Variants in LUZP2 observed in about 807,000 individuals in gnomAD.
LUZP2 encodes the protein leucine zipper protein 2.
A neutral mutation model predicts 51.6 loss-of-function variants in LUZP2; 52 were observed. The ratio of observed to expected loss-of-function variants is 1.01; its 90% confidence interval spans 0.81 to 1.27. LUZP2 has a LOEUF of 1.27. Ranked by LOEUF, LUZP2 falls within the 50% of genes most tolerant of loss-of-function variation. The probability of loss-of-function intolerance (pLI) is 0.00; values close to 1 mark genes in which losing one functional copy is unlikely to be tolerated. For synonymous variants in LUZP2, 154 were observed against 137.3 expected (o/e 1.12, Z -0.85); for missense variants, 436 against 395.4 (o/e 1.10, Z -0.87).
At chr11:24,731,946 G>A (rs1590413812) in intron 2 of LUZP2, among the ~76,000 whole-genome samples, 172 bp from the exon 3 acceptor site, 1 of 151,694 alleles carries the variant, frequency 6.6e-6, no homozygotes, top group East Asian at 1.9e-4. Flanking sequence ...GTGTAGTTGG[G>A]TGTCATAAAT....
intron 5 of LUZP2, among the ~76,000 whole-genome samples, chr11:24,897,373 T>A (rs2133771044): frequency 6.6e-6 from 1 of 152,336 alleles, no homozygotes; most frequent in East Asian, 1.9e-4. Flanking sequence ...CTTGTTCTGC[T>A]CTTTCTTTGG....
intron 1 of LUZP2, among the ~76,000 whole-genome samples, chr11:24,673,379 A>G (rs1474625683): frequency 6.6e-6 from 1 of 152,164 alleles, no homozygotes; most frequent in Non-Finnish European, 1.5e-5. Context: ...GTGGCTTCAG[A>G]AACCAGTCCA....
At chr11:25,017,649 T>A (rs1857196052) in intron 9 of LUZP2, among the ~76,000 whole-genome samples, 1 of 152,216 alleles carries the variant, frequency 6.6e-6, no homozygotes, top group Non-Finnish European at 1.5e-5. Flanking sequence ...GCTGTTCTGG[T>A]GACTATAGCC....
rs574454073 is a variant in LUZP2, at chr11:24,959,426, T to A, written c.523-17165T>A. The stretch of plus-strand genomic sequence containing the variant: ...TCCATTTGTTTGTATCCTCTTTTAT[T>A]TCCTTGAGCAGCGGTTTGTAGTTCT... On this transcript the variant is annotated intron_variant, in intron 7 of 11. Coordinates refer to ENST00000336930, the MANE Select transcript of LUZP2 (RefSeq NM_001009909.4). Among the ~76,000 whole-genome samples, 5 of 152,304 alleles carry A rather than the reference T, an allele frequency of 3.3e-5. No individual in the cohort carries two copies. The South Asian group carries it at 1.0e-3, about 32-fold the overall frequency.
rs60908141 is a variant in LUZP2, at chr11:24,842,308, A to C, written c.397-63683A>C. On this transcript the variant is annotated intron_variant, in intron 5 of 11. Coordinates refer to ENST00000336930, the MANE Select transcript of LUZP2 (RefSeq NM_001009909.4). Reference sequence around the variant, plus strand: ...AATTTATTAAATAATTTGTATAGTAAATTAAATATATTACCTCCCAAGATG... The same window carrying C: ...AATTTATTAAATAATTTGTATAGTACATTAAATATATTACCTCCCAAGATG... Among the ~76,000 whole-genome samples, 270 of 150,366 alleles carry C rather than the reference A, an allele frequency of 1.8e-3. 2 individuals carry two copies. Among genetic ancestry groups the C allele is most frequent in the African/African-American group, 6.3e-3 (261 of 41,290 alleles).
chr11:24,515,660 G>A (rs945137906), intron 1 of LUZP2, among the ~76,000 whole-genome samples: 4 of 152,102 alleles, frequency 2.6e-5, no homozygotes, highest in African/African-American at 9.7e-5. Flanking sequence ...AAAAATTTTT[G>A]CTTGGGAAAA....
At chr11:24,637,766 G>A (rs1219588123) in intron 1 of LUZP2, among the ~76,000 whole-genome samples, 1 of 151,824 alleles carries the variant, frequency 6.6e-6, no homozygotes, top group Non-Finnish European at 1.5e-5. Context: ...CTTGCACCCT[G>A]TTTCCTGAAG....
intron 9 of LUZP2, among the ~76,000 whole-genome samples, chr11:24,991,396 G>GTATATATA (rs58483878): frequency 8.0e-5 from 10 of 124,976 alleles, no homozygotes; most frequent in Admixed American, 6.2e-4. Flanking sequence ...GTGTGTGTGT[G>GTATATATA]TATATATATA....
chr11:24,685,717 A>G (rs1175935980), intron 1 of LUZP2, among the ~76,000 whole-genome samples: 2 of 152,204 alleles, frequency 1.3e-5, no homozygotes, highest in Non-Finnish European at 2.9e-5. Context: ...TGGTTTTCCC[A>G]TGAAATATCA....
chr11:24,616,982 G>A (rs1313435351), intron 1 of LUZP2, among the ~76,000 whole-genome samples: 1 of 152,136 alleles, frequency 6.6e-6, no homozygotes, highest in Non-Finnish European at 1.5e-5. Context: ...CTTTTGTTAG[G>A]TAAAATGTCG....
chr11:24,890,896 T>TC, intron 5 of LUZP2: 3 of 688,578 alleles, frequency 4.4e-6, no homozygotes, highest in Non-Finnish European at 5.3e-6. Context: ...TAAAAGTTCT[T>TC]TTTTTTTTTT....
chr11:24,947,175 C>A (rs1192254033), intron 7 of LUZP2, among the ~76,000 whole-genome samples: 12 of 151,916 alleles, frequency 7.9e-5, no homozygotes, highest in Admixed American at 7.9e-4. Flanking sequence ...CTGTATTTTT[C>A]TAATAAAGTA....
intron 5 of LUZP2, among the ~76,000 whole-genome samples, chr11:24,869,905 G>T (rs1852007713): frequency 6.6e-6 from 1 of 152,104 alleles, no homozygotes; most frequent in South Asian, 2.1e-4. Context: ...GAAGACAAAA[G>T]CTGAGATAGG....
At chr11:24,966,999 A>G (rs11028307) in intron 7 of LUZP2, among the ~76,000 whole-genome samples, 22 of 150,576 alleles carry the variant, frequency 1.5e-4, no homozygotes, top group African/African-American at 5.1e-4. Context: ...GTCTTTCTCA[A>G]CAATCAAATA....
chr11:24,582,801 T>G (rs973520169), intron 1 of LUZP2, among the ~76,000 whole-genome samples: 1 of 152,144 alleles, frequency 6.6e-6, no homozygotes, highest in Non-Finnish European at 1.5e-5. Flanking sequence ...AATTTAAAAA[T>G]TTTTTGAACA....
At chr11:24,755,650 G>A (rs1859745402) in intron 4 of LUZP2, among the ~76,000 whole-genome samples, 1 of 152,096 alleles carries the variant, frequency 6.6e-6, no homozygotes, top group Non-Finnish European at 1.5e-5. Context: ...AGTTCAGGAA[G>A]GGGATGACAG....
At chr11:24,746,224 G>T (rs559583310) in intron 4 of LUZP2, among the ~76,000 whole-genome samples, 1 of 152,238 alleles carries the variant, frequency 6.6e-6, no homozygotes. Flanking sequence ...ATTCCTTTTA[G>T]CAGTTCTTGT....
chr11:24,735,169 GACAA>G (rs1420376345), intron 3 of LUZP2, among the ~76,000 whole-genome samples: 1 of 151,904 alleles, frequency 6.6e-6, no homozygotes, highest in Non-Finnish European at 1.5e-5. Flanking sequence ...TTTCTAGCAA[GACAA>G]ACAGAGAAAG....
At chr11:24,970,950 G>A (rs912435048) in intron 7 of LUZP2, among the ~76,000 whole-genome samples, 3 of 152,112 alleles carry the variant, frequency 2.0e-5, no homozygotes, top group African/African-American at 4.8e-5. Context: ...TATACACCAC[G>A]GAATAGTAGG....
Sources: gnomAD v4.1 joint callset for allele counts (sites outside exome capture counted in the v4.1 genomes callset) on GRCh38, gnomAD v4.1.1 for gene constraint, MANE v1.5 for transcripts, NCBI Gene and HGNC (gene_info 2026-07-23, HGNC 2026-07-21) for gene names.